JMJD1C: variants seen among roughly 807,000 people sequenced by gnomAD.
The protein encoded by JMJD1C is jumonji domain-containing protein 1C.
A neutral mutation model predicts 245.3 loss-of-function variants in JMJD1C; 31 were observed. That is an observed-to-expected ratio of 0.13 (90% CI 0.09 to 0.17). The LOEUF is 0.17. Ranked by LOEUF, JMJD1C falls within the 10% of genes least tolerant of loss-of-function variation. The pLI, the probability that JMJD1C is intolerant of heterozygous loss-of-function variation, is 1.00. For synonymous variants in JMJD1C, 1,057 were observed against 1,017.4 expected (o/e 1.04, Z -0.74); for missense variants, 2,691 against 3,000.2 (o/e 0.90, Z 2.41).
At chr10:63,341,384 C>G (rs906281564) in intron 2 of JMJD1C, among the ~76,000 whole-genome samples, 1 of 152,180 alleles carries the variant, frequency 6.6e-6, no homozygotes, top group African/African-American at 2.4e-5. Context: ...AAGACACTGA[C>G]TACAGCTGAT....
intron 1 of JMJD1C, among the ~76,000 whole-genome samples, chr10:63,481,998 G>A (rs1325781493): frequency 2.0e-5 from 3 of 152,134 alleles, no homozygotes; most frequent in African/African-American, 7.2e-5. Flanking sequence ...AAAGCTACAA[G>A]TACATTTCAA....
rs4747184 is a variant in JMJD1C, at chr10:63,286,344, A to T, written c.334-21580T>A. On this transcript the variant is annotated intron_variant, in intron 2 of 25. Coordinates refer to ENST00000399262, the MANE Select transcript of JMJD1C (RefSeq NM_032776.3). ...GTGGGTCCCAGGAATCCTTAGGTTT[A>T]AAAAGCTCTCTGGGTTAGTTCTGAG... is the stretch of plus-strand genomic sequence containing the variant. Among the ~76,000 whole-genome samples the T allele has an allele frequency of 1.2e-3, 179 of 152,348 alleles. 6 individuals carry two copies. Among genetic ancestry groups the T allele is most frequent in the Admixed American group, 0.011 (165 of 15,306 alleles).
chr10:63,244,260 A>G (rs924641186), intron 3 of JMJD1C, among the ~76,000 whole-genome samples: 2 of 152,146 alleles, frequency 1.3e-5, no homozygotes, highest in African/African-American at 4.8e-5. Flanking sequence ...TCTTCGCACT[A>G]CCAGGATATT....
chr10:63,295,938 C>CATATATATATAT (rs10653796), intron 2 of JMJD1C, among the ~76,000 whole-genome samples: 3,261 of 114,880 alleles, frequency 0.028, 120 homozygotes, highest in Middle Eastern at 0.051. Context: ...CATGTGTATA[C>CATATATATATAT]ATATATATAT....
chr10:63,386,944 C>A (rs1947651533), intron 1 of JMJD1C, among the ~76,000 whole-genome samples: 1 of 152,164 alleles, frequency 6.6e-6, no homozygotes, highest in South Asian at 2.1e-4. Context: ...TTCTGACTAA[C>A]ACCAAAGGAG....
intron 3 of JMJD1C, among the ~76,000 whole-genome samples, chr10:63,249,656 C>A (rs1038351483): frequency 6.6e-5 from 10 of 152,046 alleles, no homozygotes; most frequent in Non-Finnish European, 8.8e-5. Context: ...GTCAGGAGTT[C>A]CAGACCAGCC....
chr10:63,319,361 C>CT (rs142067090), intron 2 of JMJD1C, among the ~76,000 whole-genome samples: 11,385 of 144,066 alleles, frequency 0.079, 648 homozygotes, highest in East Asian at 0.3. Flanking sequence ...TTGTTTGTGA[C>CT]TTTTTTTTTT....
At chr10:63,403,884 C>T (rs776707587) in intron 1 of JMJD1C, among the ~76,000 whole-genome samples, 18 of 151,808 alleles carry the variant, frequency 1.2e-4, no homozygotes, top group Non-Finnish European at 2.1e-4. Context: ...TGCAGTGAGC[C>T]GAGATTGCGC....
Position 63,367,481 on chromosome 10 carries a change from G to C in JMJD1C, c.333+12837C>G, listed in dbSNP as rs565907102. ...GGCTGGTCTCAAACTCTCAACCTCA[G>C]GTGATCTGCCAGCCTCGGCCTCCCA... On this transcript the variant is annotated intron_variant, in intron 2 of 25. Transcript: ENST00000399262. 2.0e-5 allele frequency among the ~76,000 whole-genome samples: 3 copies of C among 152,136 alleles called. No homozygotes were observed. In the South Asian group the frequency reaches 6.2e-4, roughly 32 times the overall value.
rs991038264 is a variant in JMJD1C at position 63,392,824 on chromosome 10, CAAAAAAAAAA to C, written c.169-12352_169-12343del. On this transcript the variant is annotated intron_variant, in intron 1 of 25. Coordinates refer to ENST00000399262, the MANE Select transcript of JMJD1C (RefSeq NM_032776.3). ...TGGTGACAGAGCGAGACTTCGTCTCCAAAAAAAAAAAAAAAAAAAAAAGGTGGGCAAAAAA... is the reference window on the plus strand; with the variant it reads ...TGGTGACAGAGCGAGACTTCGTCTCCAAAAAAAAAAAAGGTGGGCAAAAAA... 3.8e-4 allele frequency among the ~76,000 whole-genome samples: 11 copies of C among 28,814 alleles called. 1 individual carries two copies. Among genetic ancestry groups the C allele is most frequent in the South Asian group, 2.6e-3 (2 of 782 alleles). The allele number at this position is 28,814 out of a possible 152,430, so 18.9% of individuals were successfully genotyped here. A position where few individuals can be genotyped will look rare whatever the true frequency, so the allele number is the denominator to read the frequency against.
chr10:63,185,045 G>A (rs949883005), intron 20 of JMJD1C, among the ~76,000 whole-genome samples: 6 of 150,478 alleles, frequency 4.0e-5, no homozygotes, highest in African/African-American at 1.2e-4. Context: ...GTGAGCCACC[G>A]TGCCCAGCCT....
intron 3 of JMJD1C, among the ~76,000 whole-genome samples, chr10:63,242,056 A>C (rs1851545867): frequency 6.6e-6 from 1 of 152,192 alleles, no homozygotes; most frequent in Non-Finnish European, 1.5e-5. Context: ...AGAGAAAAGG[A>C]GGAAGCTGAG....
chr10:63,401,214 T>C (rs1173449998), intron 1 of JMJD1C, among the ~76,000 whole-genome samples: 1 of 152,184 alleles, frequency 6.6e-6, no homozygotes. Context: ...CCTCTATTCT[T>C]TTCTATTATA....
At chr10:63,179,904 C>A (rs1160482746) in intron 22 of JMJD1C, among the ~76,000 whole-genome samples, 1 of 152,114 alleles carries the variant, frequency 6.6e-6, no homozygotes, top group African/African-American at 2.4e-5. Context: ...TTAAAGAAAG[C>A]TGTTACCTGC....
chr10:63,247,631 T>C (rs527579674), intron 3 of JMJD1C, among the ~76,000 whole-genome samples: 8 of 146,610 alleles, frequency 5.5e-5, no homozygotes, highest in Admixed American at 1.4e-4. Flanking sequence ...TACTTGGAGG[T>C]TGAGGCAGGA....
rs539280608 is a variant in JMJD1C at position 63,384,313 on chromosome 10, A to G, written c.169-3831T>C. 2.0e-5 allele frequency among the ~76,000 whole-genome samples: 3 copies of G among 152,306 alleles called. No individual in the cohort carries two copies. The South Asian group carries it at 6.2e-4, about 32-fold the overall frequency. On this transcript the variant is annotated intron_variant, in intron 1 of 25. Coordinates refer to ENST00000399262, the MANE Select transcript of JMJD1C (RefSeq NM_032776.3). ...TTCTTAATGGCATCTAGAATACTGAATCCTTTACAAAAGGTTTTCAGTTTA... is the reference window on the plus strand; with the variant it reads ...TTCTTAATGGCATCTAGAATACTGAGTCCTTTACAAAAGGTTTTCAGTTTA...
At chr10:63,295,424 A>G (rs1009125253) in intron 2 of JMJD1C, among the ~76,000 whole-genome samples, 4 of 152,248 alleles carry the variant, frequency 2.6e-5, no homozygotes, top group South Asian at 2.1e-4. Flanking sequence ...GAGGGCAACC[A>G]TAAGTATTAA....
chr10:63,390,573 TACAACA>T (rs34365599), intron 1 of JMJD1C, among the ~76,000 whole-genome samples: 2 of 151,450 alleles, frequency 1.3e-5, no homozygotes, highest in East Asian at 1.9e-4. Flanking sequence ...ACAAGAATGC[TACAACA>T]ACAACAACAA....
chr10:63,361,719 T>TA (rs55879769), intron 2 of JMJD1C, among the ~76,000 whole-genome samples: 2,638 of 94,950 alleles, frequency 0.028, 225 homozygotes, highest in African/African-American at 0.07. Context: ...CTGTCTCAAC[T>TA]AAAAAAAAAA....
Sources: allele counts gnomAD v4.1 joint callset (sites outside exome capture counted in the v4.1 genomes callset), GRCh38; gene constraint gnomAD v4.1.1; transcripts MANE v1.5; gene names NCBI Gene and HGNC (gene_info 2026-07-23, HGNC 2026-07-21).